RPL22: variants seen among roughly 807,000 people sequenced by gnomAD.
The protein encoded by RPL22 is large ribosomal subunit protein eL22.
A neutral mutation model predicts 16.2 loss-of-function variants in RPL22; 4 were observed. That is an observed-to-expected ratio of 0.25 (90% CI 0.12 to 0.57). The LOEUF (loss-of-function observed/expected upper bound fraction) is 0.57. Among genes scored for constraint, RPL22 ranks in the 20% least tolerant of loss-of-function variants. The pLI is 0.92. For missense variants in RPL22, 83 were observed against 156.1 expected (o/e 0.53, Z 2.49); for synonymous variants, 43 against 54.8 (o/e 0.78, Z 0.95).
At chr1:6,198,013 C>T in intron 1 of RPL22, 1 of 492,812 alleles carries the variant, frequency 2.0e-6, no homozygotes, top group East Asian at 3.3e-5. Context: ...TCTTGACTCA[C>T]TCAAACTTTC....
intron 3 of RPL22, among the ~76,000 whole-genome samples, chr1:6,191,170 C>T (rs1456410131): frequency 7.2e-5 from 10 of 139,366 alleles, no homozygotes; most frequent in South Asian, 4.6e-4. Flanking sequence ...CCAGCCTGGC[C>T]AACATGGTGA....
intron 3 of RPL22, among the ~76,000 whole-genome samples, chr1:6,190,390 T>C (rs970881136): frequency 6.6e-6 from 1 of 151,990 alleles, no homozygotes; most frequent in East Asian, 1.9e-4. Flanking sequence ...CTTTTGTTTG[T>C]TTTTTTTGAG....
chr1:6,189,827 A>G (rs1042744038), intron 3 of RPL22, among the ~76,000 whole-genome samples: 1 of 152,162 alleles, frequency 6.6e-6, no homozygotes, highest in Non-Finnish European at 1.5e-5. Flanking sequence ...AGGCTGAGGC[A>G]GGAGAATTGC....
rs1288178869 is a variant in RPL22 at position 6,185,440 on chromosome 1, A to G, written c.*1232T>C. Reference sequence around the variant, plus strand: ...GAAAAATGCCAGAGCCTTTAACACAAGTGAAATTGCAAAGCCTCAACACGT... The same window carrying G: ...GAAAAATGCCAGAGCCTTTAACACAGGTGAAATTGCAAAGCCTCAACACGT... On this transcript the variant is annotated 3_prime_UTR_variant, in exon 4 of 4. Transcript: ENST00000234875. The G allele has an allele frequency of 5.0e-6, 2 of 398,718 alleles. No individual in the cohort carries two copies. Among genetic ancestry groups the G allele is most frequent in the African/African-American group, 4.1e-5 (2 of 48,632 alleles). The allele number at this position is 398,718 out of a possible 1,614,324, so 24.7% of individuals were successfully genotyped here.
chr1:6,188,738 C>A (rs1157826124), intron 3 of RPL22, among the ~76,000 whole-genome samples: 1 of 152,000 alleles, frequency 6.6e-6, no homozygotes, highest in Non-Finnish European at 1.5e-5. Flanking sequence ...TGCTACTAAC[C>A]ATCTCTTCAG....
rs367585690 is a variant in RPL22, at chr1:6,193,057, G to A, written c.118-3C>T. ...ATCCTTTCTTGCAAAAACTGCTCCT[G>A]TAGAAATCATTAAATTGACCAATGA... On this transcript the variant is annotated splice_region_variant and splice_polypyrimidine_tract_variant and intron_variant, in intron 2 of 3. Coordinates refer to ENST00000234875, the MANE Select transcript of RPL22 (RefSeq NM_000983.4). 4.3e-4 allele frequency: 702 copies of A among 1,613,992 alleles called. No homozygotes were observed. Among genetic ancestry groups the A allele is most frequent in the Admixed American group, 1.6e-3 (96 of 60,022 alleles).
chr1:6,185,426 G>A lies in RPL22; in HGVS notation c.*1246C>T. 2.5e-6 allele frequency: 1 copy of A among 398,970 alleles called. No individual in the cohort carries two copies. 24.7% of individuals were successfully genotyped at this position (398,970 alleles called of 1,614,324 possible). On this transcript the variant is annotated 3_prime_UTR_variant, in exon 4 of 4. Transcript: ENST00000234875. ...TTTGCATAGAAATGGAAAAATGCCA[G>A]AGCCTTTAACACAAGTGAAATTGCA...
At chr1:6,191,169 C>G (rs1318210460) in intron 3 of RPL22, among the ~76,000 whole-genome samples, 1 of 150,934 alleles carries the variant, frequency 6.6e-6, no homozygotes, top group Non-Finnish European at 1.5e-5. Context: ...ACCAGCCTGG[C>G]CAACATGGTG....
chr1:6,188,722 GAT>G (rs2100901799), intron 3 of RPL22, among the ~76,000 whole-genome samples: 2 of 151,944 alleles, frequency 1.3e-5, no homozygotes, highest in South Asian at 4.2e-4. Context: ...AGTGAAAGGG[GAT>G]CCCTGCTACT....
In RPL22 at chr1:6,193,007, G is replaced by A. The variant is rs767693583; in HGVS notation, c.165C>T (p.Asn55=). ...ERIKVNGKAG[N]LGGGVVTIER... is the part of the protein sequence containing the mutation. ...CGATGGTCACCACCCCTCCACCAAG[G>A]TTCCCAGCTTTTCCGTTCACTTTGA... Residue 55 remains asparagine (N), a synonymous_variant, in exon 3 of 4, where the codon AAC becomes AAT. Transcript: ENST00000234875. 1 of 1,614,078 alleles carries A rather than the reference G, an allele frequency of 6.2e-7. No individual in the cohort carries two copies. The highest frequency in any genetic ancestry group is 8.5e-7 in the Non-Finnish European group (1 of 1,179,982).
intron 2 of RPL22, among the ~76,000 whole-genome samples, chr1:6,195,304 G>A (rs1452529202): frequency 6.6e-6 from 1 of 151,474 alleles, no homozygotes; most frequent in African/African-American, 2.4e-5. Flanking sequence ...AATTAGCCGG[G>A]CATAGTGACA....
Position 6,185,137 on chromosome 1 carries a change from A to T in RPL22, c.*1535T>A, listed in dbSNP as rs1387407503. ...GTTTCAATTTTATTACAAGTTTTCA[A>T]ATCTGGGACTAGTTTCTTTTTTTCT... is the stretch of plus-strand genomic sequence containing the variant. On this transcript the variant is annotated 3_prime_UTR_variant, in exon 4 of 4. Transcript: ENST00000234875. The T allele has an allele frequency of 2.5e-6, 1 of 393,466 alleles. No individual in the cohort carries two copies. Among genetic ancestry groups the T allele is most frequent in the African/African-American group, 2.1e-5 (1 of 48,584 alleles). The allele number at this position is 393,466 out of a possible 1,614,324, so 24.4% of individuals were successfully genotyped here.
At chr1:6,194,026 C>T (rs1667686215) in intron 2 of RPL22, among the ~76,000 whole-genome samples, 1 of 151,834 alleles carries the variant, frequency 6.6e-6, no homozygotes, top group Admixed American at 6.6e-5. Context: ...GGCAACATGG[C>T]GAAACCCTCT....
intron 2 of RPL22, 41 bp from the exon 3 acceptor site, chr1:6,193,095 A>G: frequency 6.2e-7 from 1 of 1,610,764 alleles, no homozygotes; most frequent in Non-Finnish European, 8.5e-7. Flanking sequence ...TGACAAGTTC[A>G]TCTGTCTCAA....
At position 6,185,612 on chromosome 1, in the gene RPL22, A is replaced by G; in HGVS notation, c.*1060T>C. 8.0e-6 allele frequency: 3 copies of G among 374,166 alleles called. No individual in the cohort carries two copies. The highest frequency in any genetic ancestry group is 1.4e-5 in the Non-Finnish European group (3 of 211,242). 23.2% of individuals were successfully genotyped at this position (374,166 alleles called of 1,614,324 possible). On this transcript the variant is annotated 3_prime_UTR_variant, in exon 4 of 4. Coordinates refer to ENST00000234875, the MANE Select transcript of RPL22 (RefSeq NM_000983.4). Reference sequence around the variant, plus strand: ...TCTTTTAAAAACATGAATTTTAGACACCGTAAATTCTAATGCAGACACTTT... The same window carrying G: ...TCTTTTAAAAACATGAATTTTAGACGCCGTAAATTCTAATGCAGACACTTT...
rs1667573737 is a variant in RPL22, at chr1:6,185,595, A to C, written c.*1077T>G. The C allele has an allele frequency of 2.6e-6, 1 of 386,210 alleles. No homozygotes were observed. Among genetic ancestry groups the C allele is most frequent in the South Asian group, 1.4e-4 (1 of 6,912 alleles). 23.9% of individuals were successfully genotyped at this position (386,210 alleles called of 1,614,324 possible). A position where few individuals can be genotyped will look rare whatever the true frequency, so the allele number is the denominator to read the frequency against. ...ACCATCTGTAGGCAAGCTCTTTTAA[A>C]AACATGAATTTTAGACACCGTAAAT... On this transcript the variant is annotated 3_prime_UTR_variant, in exon 4 of 4. Coordinates refer to ENST00000234875, the MANE Select transcript of RPL22 (RefSeq NM_000983.4).
chr1:6,199,491 G>C (rs1667766846), intron 1 of RPL22, 71 bp downstream of exon 1: 1 of 1,540,850 alleles, frequency 6.5e-7, no homozygotes. Context: ...AGCGAGCCTG[G>C]GTAGATGCCG....
intron 2 of RPL22, 117 bp from the exon 3 acceptor site, chr1:6,193,171 A>T (rs2100905140): frequency 1.6e-6 from 2 of 1,242,256 alleles, no homozygotes; most frequent in Middle Eastern, 2.0e-4. Flanking sequence ...TTGGAGACAG[A>T]GTCTCACCAG....
chr1:6,196,723 G>A lies in RPL22; in HGVS notation c.117+929C>T, dbSNP rs980785194. 6.6e-5 allele frequency among the ~76,000 whole-genome samples: 10 copies of A among 152,114 alleles called. No homozygotes were observed. In the East Asian group the frequency reaches 1.9e-3, roughly 29 times the overall value. On this transcript the variant is annotated intron_variant, in intron 2 of 3. Coordinates refer to ENST00000234875, the MANE Select transcript of RPL22 (RefSeq NM_000983.4). ...TATTTCTAGATTGCAATAGGATAGA[G>A]GAATATTGGGGAATGGGCCAAATAC...
Sources: allele counts gnomAD v4.1 joint callset (sites outside exome capture counted in the v4.1 genomes callset), GRCh38; gene constraint gnomAD v4.1.1; transcripts MANE v1.5; gene names NCBI Gene and HGNC (gene_info 2026-07-23, HGNC 2026-07-21).